ZRANB3: variants seen among roughly 807,000 people sequenced by gnomAD.
The protein encoded by ZRANB3 is zinc finger RANBP2-type containing 3.
In ZRANB3, 125 loss-of-function variants were observed where a neutral mutation model predicts 133.8. The ratio of observed to expected loss-of-function variants is 0.93; its 90% CI spans 0.81 to 1.08. ZRANB3 has a LOEUF of 1.08. Among genes scored for constraint, ZRANB3 ranks in the 50% least tolerant of loss-of-function variants. ZRANB3 has a pLI of 0.00. For missense variants in ZRANB3, 1,229 were observed against 1,275.5 expected, an observed-to-expected ratio of 0.96 and a Z score of 0.56; for synonymous variants, 387 against 432.7, an observed-to-expected ratio of 0.89 and a Z score of 1.31.
intron 6 of ZRANB3, among the ~76,000 whole-genome samples, chr2:135,341,095 C>T (rs1384265673): frequency 3.3e-5 from 5 of 149,640 alleles, no homozygotes; most frequent in East Asian, 1.9e-4. Context: ...GGCGCTATCT[C>T]GGCTCACTGA....
At chr2:135,379,882 C>T (rs1686607948) in intron 3 of ZRANB3, among the ~76,000 whole-genome samples, 1 of 152,070 alleles carries the variant, frequency 6.6e-6, no homozygotes, top group Non-Finnish European at 1.5e-5. Flanking sequence ...GATAAAGAGT[C>T]AAGACCCATC....
At position 135,197,428 on chromosome 2, in the gene ZRANB3, T is replaced by G. The variant is rs1693453292; in HGVS notation, c.*2914A>C. Reference sequence around the variant, plus strand: ...AGGGATTTGGTTTATTAGCAAGATGTATGGGCATAAAATCCTTTTCCCATC... The same window carrying G: ...AGGGATTTGGTTTATTAGCAAGATGGATGGGCATAAAATCCTTTTCCCATC... On this transcript the variant is annotated 3_prime_UTR_variant, in exon 21 of 21. Transcript: ENST00000264159. 6.6e-6 allele frequency: 1 copy of G among 152,254 alleles called. No individual in the cohort carries two copies. Among genetic ancestry groups the G allele is most frequent in the Admixed American group, 6.5e-5 (1 of 15,294 alleles). The allele number at this position is 152,254 out of a possible 1,614,324, so 9.4% of individuals were successfully genotyped here.
At chr2:135,312,115 ATTTTT>A (rs201623200) in intron 8 of ZRANB3, among the ~76,000 whole-genome samples, 11 of 138,842 alleles carry the variant, frequency 7.9e-5, no homozygotes, top group African/African-American at 3.1e-4. Context: ...CATTGTATTT[ATTTTT>A]TTATTTTATT....
At chr2:135,284,186 T>G (rs1166869890) in intron 8 of ZRANB3, among the ~76,000 whole-genome samples, 2 of 152,200 alleles carry the variant, frequency 1.3e-5, no homozygotes, top group Non-Finnish European at 2.9e-5. Flanking sequence ...TTTAATTTTC[T>G]CATCTATAAA....
chr2:135,281,157 G>A (rs571037330), intron 8 of ZRANB3, among the ~76,000 whole-genome samples: 3 of 152,148 alleles, frequency 2.0e-5, no homozygotes, highest in Non-Finnish European at 2.9e-5. Context: ...TTGCAAAAGA[G>A]TTGACCTCTA....
At chr2:135,399,416 C>CAATG (rs1324728514) in intron 2 of ZRANB3, among the ~76,000 whole-genome samples, 17 of 152,120 alleles carry the variant, frequency 1.1e-4, no homozygotes, top group African/African-American at 3.4e-4. Context: ...AAAATATGAA[C>CAATG]AATGTTATAG....
intron 19 of ZRANB3, among the ~76,000 whole-genome samples, chr2:135,204,756 T>A (rs9678310): frequency 7.1e-6 from 1 of 140,628 alleles, no homozygotes; most frequent in Non-Finnish European, 1.5e-5. Context: ...TATTATATAT[T>A]TATATATATA....
chr2:135,497,296 G>C (rs1263817226), intron 2 of ZRANB3, among the ~76,000 whole-genome samples: 1 of 151,040 alleles, frequency 6.6e-6, no homozygotes, highest in East Asian at 1.9e-4. Context: ...TTTTGAAAAA[G>C]AGTAAGGCTG....
At chr2:135,490,911 G>A (rs1441171209) in intron 2 of ZRANB3, among the ~76,000 whole-genome samples, 1 of 152,036 alleles carries the variant, frequency 6.6e-6, no homozygotes, top group Non-Finnish European at 1.5e-5. Context: ...TCACATGTTC[G>A]CACTCATATG....
intron 1 of ZRANB3, among the ~76,000 whole-genome samples, chr2:135,522,472 G>A (rs1693988757): frequency 6.6e-6 from 1 of 152,112 alleles, no homozygotes. Context: ...TCCCCAACAG[G>A]GAGAAAAAAG....
chr2:135,363,094 C>T (rs1685760872), intron 3 of ZRANB3, among the ~76,000 whole-genome samples: 1 of 152,174 alleles, frequency 6.6e-6, no homozygotes, highest in Admixed American at 6.5e-5. Flanking sequence ...GAGGGCTGTT[C>T]TACACTTCAA....
intron 2 of ZRANB3, among the ~76,000 whole-genome samples, chr2:135,429,808 C>G (rs1464537621): frequency 6.6e-6 from 1 of 152,016 alleles, no homozygotes; most frequent in Non-Finnish European, 1.5e-5. Flanking sequence ...AGTTACTGAC[C>G]CTTTAAACTA....
At position 135,228,010 on chromosome 2, in the gene ZRANB3, G is replaced by A. The variant is rs1694826580; in HGVS notation, c.1960C>T (p.Gln654Ter). 1 of 1,525,448 alleles carries A rather than the reference G, an allele frequency of 6.6e-7. No homozygotes were observed. Among genetic ancestry groups the A allele is most frequent in the Admixed American group, 2.2e-5 (1 of 45,794 alleles). The allele number at this position is 1,525,448 out of a possible 1,614,324, so 94.5% of individuals were successfully genotyped here. A position where few individuals can be genotyped will look rare whatever the true frequency, so the allele number is the denominator to read the frequency against. ...TGGATATGGTTGAGGCTATCTATTT[G>A]CATAACTATTAAAATAAAAATTATT... Reference protein sequence around the residue: ...CETPQGSAVMQIDSLNHIQDK... With the variant: ...CETPQGSAVM The change falls in exon 14 of 21, where the codon CAA becomes TAA. Residue 654 changes from glutamine to a stop codon, truncating the protein, a stop_gained. Coordinates refer to ENST00000264159, the MANE Select transcript of ZRANB3 (RefSeq NM_032143.4). LOFTEE classifies it high-confidence loss of function.
intron 12 of ZRANB3, among the ~76,000 whole-genome samples, chr2:135,258,139 T>G (rs1224271937): frequency 6.6e-6 from 1 of 152,172 alleles, no homozygotes. Flanking sequence ...AGTAAGTTTT[T>G]TTTTTAAAGA....
At chr2:135,227,784 G>A (rs1694810911) in intron 14 of ZRANB3, 28 bp downstream of exon 14, 1 of 1,549,764 alleles carries the variant, frequency 6.5e-7, no homozygotes, top group Non-Finnish European at 8.8e-7. Flanking sequence ...GTTATTACTT[G>A]GATGCTAGAA....
chr2:135,422,857 G>A (rs1478441763), intron 2 of ZRANB3, among the ~76,000 whole-genome samples: 5 of 152,190 alleles, frequency 3.3e-5, no homozygotes, highest in Non-Finnish European at 7.4e-5. Flanking sequence ...CTGAAACAGA[G>A]TATTTTAGTT....
At chr2:135,479,878 T>C (rs952333847) in intron 2 of ZRANB3, among the ~76,000 whole-genome samples, 2 of 152,068 alleles carry the variant, frequency 1.3e-5, no homozygotes, top group African/African-American at 2.4e-5. Context: ...TGCAATTAAT[T>C]AGCAAATTTT....
chr2:135,317,241 T>C (rs905420358), intron 6 of ZRANB3, among the ~76,000 whole-genome samples: 1 of 152,154 alleles, frequency 6.6e-6, no homozygotes, highest in Non-Finnish European at 1.5e-5. Flanking sequence ...CCCATATTTA[T>C]ATTAAAAATT....
intron 2 of ZRANB3, among the ~76,000 whole-genome samples, chr2:135,417,675 G>C (rs1197050773): frequency 6.6e-6 from 1 of 152,130 alleles, no homozygotes; most frequent in Non-Finnish European, 1.5e-5. Flanking sequence ...TGTTTACTGT[G>C]GCATTATTCA....
Sources: allele counts gnomAD v4.1 joint callset (sites outside exome capture counted in the v4.1 genomes callset), GRCh38; gene constraint gnomAD v4.1.1; transcripts MANE v1.5; gene names NCBI Gene and HGNC (gene_info 2026-07-23, HGNC 2026-07-21).